The following EGFR variants were observed in gnomAD, a reference collection of about 807,000 sequenced individuals.
The protein encoded by EGFR is epidermal growth factor receptor, also known as avian erythroblastic leukemia viral (v-erb-b) oncogene homolog.
Under a neutral mutation model 143.0 loss-of-function variants are expected in EGFR, and 58 were observed. The ratio of observed to expected loss-of-function variants is 0.41; its 90% CI spans 0.33 to 0.50. The LOEUF is 0.50. Among genes scored for constraint, EGFR ranks in the 20% least tolerant of loss-of-function variants. EGFR has a pLI of 0.39. For synonymous variants in EGFR, 613 were observed against 594.4 expected (o/e 1.03, Z -0.45); for missense variants, 1,307 against 1,579.0 (o/e 0.83, Z 2.92).
rs143817306 is a variant in EGFR at position 55,119,829 on chromosome 7, G to A, written c.89-22457G>A. 3.3e-3 allele frequency among the ~76,000 whole-genome samples: 505 copies of A among 152,302 alleles called. 5 individuals are homozygous for A. The highest frequency in any genetic ancestry group is 3.7e-3 in the Non-Finnish European group (251 of 68,034). On this transcript the variant is annotated intron_variant, in intron 1 of 27. Coordinates refer to ENST00000275493, the MANE Select transcript of EGFR (RefSeq NM_005228.5). ...CATTCTGTTGCAGCAGGTGACCACTGCCCCAAATCTGTTTCACCTCCCCAG... is the reference window on the plus strand; with the variant it reads ...CATTCTGTTGCAGCAGGTGACCACTACCCCAAATCTGTTTCACCTCCCCAG...
chr7:55,091,877 C>T (rs1791140511), intron 1 of EGFR, among the ~76,000 whole-genome samples: 2 of 151,870 alleles, frequency 1.3e-5, no homozygotes, highest in East Asian at 3.9e-4. Flanking sequence ...CACACACACA[C>T]ACACACACAC....
rs117722337 is a variant in EGFR, at chr7:55,206,141, C to T, written c.*524C>T. ...CTTCCACTGCAAAACACTAAAGATC[C>T]AAGAAGGCCTTCATGGCCCCAGCAG... On this transcript the variant is annotated 3_prime_UTR_variant, in exon 28 of 28. Coordinates refer to ENST00000275493, the MANE Select transcript of EGFR (RefSeq NM_005228.5). 76 of 292,654 alleles carry T rather than the reference C, an allele frequency of 2.6e-4. No homozygotes were observed. The East Asian group carries it at 3.6e-3, about 14-fold the overall frequency. The allele number at this position is 292,654 out of a possible 1,614,324, so 18.1% of individuals were successfully genotyped here. A position where few individuals can be genotyped will look rare whatever the true frequency, so the allele number is the denominator to read the frequency against.
At position 55,019,375 on chromosome 7, in the gene EGFR, T is replaced by C; in HGVS notation, c.88+10T>C. ...CTGGAGGAAAAGAAAGGTAAGGGCG[T>C]GTCTCGCCGGCTCCCGCGCCGCCCC... On this transcript the variant is annotated intron_variant, in intron 1 of 27. Transcript: ENST00000275493. 7.0e-7 allele frequency: 1 copy of C among 1,437,846 alleles called. No individual in the cohort carries two copies. The highest frequency in any genetic ancestry group is 9.2e-7 in the Non-Finnish European group (1 of 1,082,958). 89.1% of individuals were successfully genotyped at this position (1,437,846 alleles called of 1,614,324 possible).
intron 1 of EGFR, among the ~76,000 whole-genome samples, chr7:55,092,509 T>G (rs991130664): frequency 4.6e-5 from 7 of 152,300 alleles, no homozygotes; most frequent in Non-Finnish European, 1.0e-4. Context: ...CTCTTACATT[T>G]TACCCACCCC....
At chr7:55,190,131 C>A (rs80033015) in intron 20 of EGFR, among the ~76,000 whole-genome samples, 8,523 of 152,134 alleles carry the variant, frequency 0.056, 775 homozygotes, top group African/African-American at 0.19. Context: ...TCTGCCCCCC[C>A]TCTCCTCTCC....
chr7:55,049,214 G>C (rs1788344555), intron 1 of EGFR, among the ~76,000 whole-genome samples: 1 of 152,120 alleles, frequency 6.6e-6, no homozygotes. Flanking sequence ...TTGGACATAG[G>C]AATAACGACC....
Position 55,165,750 on chromosome 7 carries a change from G to A in EGFR, c.1880+313G>A, listed in dbSNP as rs558650508. Reference sequence around the variant, plus strand: ...TGCCACAGTCTCCAGGGGCTTTTGCGTTTCTCTCCAGATTTCTAAGGTTAA... The same window carrying A: ...TGCCACAGTCTCCAGGGGCTTTTGCATTTCTCTCCAGATTTCTAAGGTTAA... On this transcript the variant is annotated intron_variant, in intron 15 of 27. Transcript: ENST00000275493. 5.3e-5 allele frequency among the ~76,000 whole-genome samples: 8 copies of A among 152,300 alleles called. No individual in the cohort carries two copies. In the South Asian group the frequency reaches 6.2e-4, roughly 12 times the overall value.
intron 17 of EGFR, 45 bp downstream of exon 17, chr7:55,173,169 C>G (rs768107318): frequency 1.2e-6 from 2 of 1,601,408 alleles, no homozygotes; most frequent in Non-Finnish European, 1.7e-6. Context: ...CGCACCCCGA[C>G]AGGAACAAGG....
chr7:55,098,838 A>G (rs1193952155), intron 1 of EGFR, among the ~76,000 whole-genome samples: 1 of 152,222 alleles, frequency 6.6e-6, no homozygotes, highest in Non-Finnish European at 1.5e-5. Context: ...TTGAAATAGT[A>G]TGTGAACCAG....
chr7:55,034,236 T>G (rs1464484406), intron 1 of EGFR, among the ~76,000 whole-genome samples: 1 of 152,214 alleles, frequency 6.6e-6, no homozygotes, highest in East Asian at 1.9e-4. Context: ...TTTGTTTGTT[T>G]GTTTTGTTTT....
At chr7:55,202,384 A>G (rs374618005) in intron 26 of EGFR, 133 bp from the exon 27 acceptor site, 4 of 736,034 alleles carry the variant, frequency 5.4e-6, no homozygotes, top group Non-Finnish European at 7.0e-6. Flanking sequence ...AGCACCCACC[A>G]GGGTGCAGAC....
chr7:55,179,891 G>A (rs1378832218), intron 19 of EGFR: 2 of 152,226 alleles, frequency 1.3e-5, no homozygotes, highest in Non-Finnish European at 2.9e-5. Flanking sequence ...GAGGATGTCT[G>A]TAGGTTACAC....
In EGFR at chr7:55,183,869, GTC is replaced by G. The variant is rs542945176; in HGVS notation, c.2469+2392_2469+2393del. 6.3e-3 allele frequency among the ~76,000 whole-genome samples: 967 copies of G among 152,328 alleles called. 10 individuals are homozygous for G. Among genetic ancestry groups the G allele is most frequent in the African/African-American group, 0.022 (931 of 41,558 alleles). ...CTCCGTTCATCAGAGGGGGCCAACA[GTC>G]CACAGCTGTTCTTAATCATCTCCCA... On this transcript the variant is annotated intron_variant, in intron 20 of 27. Coordinates refer to ENST00000275493, the MANE Select transcript of EGFR (RefSeq NM_005228.5).
rs556324078 is a variant in EGFR, at chr7:55,205,514, T to C, written c.3530T>C (p.Phe1177Ser). The stretch of plus-strand genomic sequence containing the variant: ...AACCCTGACTACCAGCAGGACTTCT[T>C]TCCCAAGGAAGCCAAGCCAAATGGC... ...LDNPDYQQDF[F>S]PKEAKPNGIF... Residue 1177 changes from phenylalanine to serine, a missense_variant, in exon 28 of 28, where the codon TTT (phenylalanine) becomes TCT (serine). Coordinates refer to ENST00000275493, the MANE Select transcript of EGFR (RefSeq NM_005228.5). 1 of 1,614,154 alleles carries C rather than the reference T, an allele frequency of 6.2e-7. No homozygotes were observed. The highest frequency in any genetic ancestry group is 1.3e-5 in the African/African-American group (1 of 75,020).
intron 1 of EGFR, among the ~76,000 whole-genome samples, chr7:55,096,225 A>G (rs1041811603): frequency 2.0e-5 from 3 of 152,106 alleles, no homozygotes; most frequent in Non-Finnish European, 4.4e-5. Flanking sequence ...TCATTCCCAG[A>G]CCCCACCTAA....
chr7:55,127,012 T>C (rs1793564668), intron 1 of EGFR, among the ~76,000 whole-genome samples: 1 of 152,204 alleles, frequency 6.6e-6, no homozygotes, highest in African/African-American at 2.4e-5. Context: ...AGTGTATTTC[T>C]AATGGTGAAA....
rs1043202753 is a variant in EGFR at position 55,146,488 on chromosome 7, C to T, written c.425-118C>T. 9 of 1,518,668 alleles carry T rather than the reference C, an allele frequency of 5.9e-6. No individual in the cohort carries two copies. In the East Asian group the frequency reaches 1.9e-4, roughly 31 times the overall value. The allele number at this position is 1,518,668 out of a possible 1,614,324, so 94.1% of individuals were successfully genotyped here. On this transcript the variant is annotated intron_variant, in intron 3 of 27. Transcript: ENST00000275493. ...GAAGTTCACTGGGCTAATTGCGGGA[C>T]TCTTGTTCGCACCATGGCATCTCTT...
chr7:55,196,271 G>A (rs1256896596), intron 22 of EGFR, among the ~76,000 whole-genome samples: 1 of 136,564 alleles, frequency 7.3e-6, no homozygotes, highest in Admixed American at 8.4e-5. Context: ...TTAATGATCA[G>A]TGATGTTAAG....
intron 1 of EGFR, among the ~76,000 whole-genome samples, chr7:55,044,345 C>T (rs1365781505): frequency 1.3e-5 from 2 of 152,334 alleles, no homozygotes; most frequent in Admixed American, 6.5e-5. Flanking sequence ...CACAAGTGAA[C>T]AGTAAATGTA....
Sources: allele counts gnomAD v4.1 joint callset (sites outside exome capture counted in the v4.1 genomes callset), GRCh38; gene constraint gnomAD v4.1.1; transcripts MANE v1.5; gene names NCBI Gene and HGNC (gene_info 2026-07-23, HGNC 2026-07-21).